PDE8B: variants seen among roughly 807,000 people sequenced by gnomAD.
The protein encoded by PDE8B is high affinity cAMP-specific and IBMX-insensitive 3',5'-cyclic phosphodiesterase 8B.
In PDE8B, 26 loss-of-function variants were observed where a neutral mutation model predicts 101.3. The observed-to-expected ratio is 0.26, with a 90% confidence interval of 0.19 to 0.36. The LOEUF (loss-of-function observed/expected upper bound fraction) is 0.36, where lower values mean the gene tolerates loss of function less well. Ranked by LOEUF, PDE8B falls within the 10% of genes least tolerant of loss-of-function variation. The pLI is 1.00. For missense variants in PDE8B, 810 were observed against 1,163.1 expected, an observed-to-expected ratio of 0.70 and a Z score of 4.42; for synonymous variants, 424 against 429.3, an observed-to-expected ratio of 0.99 and a Z score of 0.15.
At chr5:77,330,655 C>A (rs1581080514) in intron 4 of PDE8B, among the ~76,000 whole-genome samples, 2 of 152,172 alleles carry the variant, frequency 1.3e-5, no homozygotes, top group African/African-American at 2.4e-5. Context: ...GCGTTTCCAC[C>A]CAATCCCTTT....
the PDE8B span, among the ~76,000 whole-genome samples, chr5:77,180,051 C>G: frequency 6.6e-6 from 1 of 152,148 alleles, no homozygotes. Context: ...AAAGGCCCAA[C>G]GAGAGGAAAG....
chr5:77,218,361 GA>G (rs1750273616), intron 1 of PDE8B, among the ~76,000 whole-genome samples: 1 of 152,152 alleles, frequency 6.6e-6, no homozygotes, highest in South Asian at 2.1e-4. Flanking sequence ...TTTCACTTTA[GA>G]AAAGAGGAAA....
intron 10 of PDE8B, among the ~76,000 whole-genome samples, chr5:77,377,883 T>G (rs1035559943): frequency 6.6e-6 from 1 of 152,202 alleles, no homozygotes; most frequent in Non-Finnish European, 1.5e-5. Flanking sequence ...TCGGGACTTA[T>G]GCTACTGCCT....
Position 77,337,303 on chromosome 5 carries a change from A to G in PDE8B, c.785A>G (p.Gln262Arg). The G allele has an allele frequency of 6.4e-7, 1 of 1,557,310 alleles. No homozygotes were observed. The highest frequency in any genetic ancestry group is 8.8e-7 in the Non-Finnish European group (1 of 1,130,626). Residue 262 changes from glutamine (Q) to arginine (R), a missense_variant, in exon 6 of 22, where the codon CAG becomes CGG. Transcript: ENST00000264917. ...ATAGAACATGGGGAAGTTCGCTCCC[A>G]GTTCAAATTACGGTATGTAGCAAAA... is the stretch of plus-strand genomic sequence containing the variant. ...IQIEHGEVRSQFKLRACNSVF... is the reference protein window; with the variant it reads ...IQIEHGEVRSRFKLRACNSVF...
At chr5:77,256,858 C>A (rs1316074595) in intron 1 of PDE8B, among the ~76,000 whole-genome samples, 1 of 152,132 alleles carries the variant, frequency 6.6e-6, no homozygotes, top group Non-Finnish European at 1.5e-5. Flanking sequence ...CTTCATTTGA[C>A]TAAAAATTTA....
At chr5:77,369,468 G>A (rs752725877) in intron 10 of PDE8B, among the ~76,000 whole-genome samples, 55 of 152,120 alleles carry the variant, frequency 3.6e-4, no homozygotes, top group Non-Finnish European at 5.4e-4. Flanking sequence ...AAGAGCCAAC[G>A]TCTGGCTAGA....
chr5:77,229,949 A>G (rs1007764313), intron 1 of PDE8B, among the ~76,000 whole-genome samples: 1 of 152,196 alleles, frequency 6.6e-6, no homozygotes, highest in Non-Finnish European at 1.5e-5. Context: ...TCTATTGGGT[A>G]TATACTAGGA....
the PDE8B span, among the ~76,000 whole-genome samples, chr5:77,108,441 T>G: frequency 6.6e-6 from 1 of 152,180 alleles, no homozygotes; most frequent in African/African-American, 2.4e-5. Context: ...CCCAGCTCTT[T>G]GGAAGGCCGA....
chr5:77,098,622 A>G, the PDE8B span: 4 of 152,312 alleles, frequency 2.6e-5, no homozygotes, highest in African/African-American at 4.8e-5. Context: ...TTAACTTAAC[A>G]TTGTCTTAAT....
At chr5:77,099,635 G>T in the PDE8B span, among the ~76,000 whole-genome samples, 7 of 151,322 alleles carry the variant, frequency 4.6e-5, no homozygotes, top group Non-Finnish European at 1.0e-4. Flanking sequence ...TTTGTGAGAC[G>T]GAGTCTTACT....
At chr5:77,137,362 T>C in the PDE8B span, among the ~76,000 whole-genome samples, 1 of 152,154 alleles carries the variant, frequency 6.6e-6, no homozygotes, top group Non-Finnish European at 1.5e-5. Flanking sequence ...GAAAGCATGA[T>C]TGAGCTGGGA....
intron 10 of PDE8B, 98 bp downstream of exon 10, chr5:77,353,504 A>C: frequency 1.2e-6 from 1 of 806,662 alleles, no homozygotes; most frequent in Non-Finnish European, 2.2e-6. Flanking sequence ...GTCTTTCTCC[A>C]TGTCTAATTG....
Position 77,427,269 on chromosome 5 carries a change from AAAAAGTGGCATTTCAT to A in PDE8B, c.*716_*731del, listed in dbSNP as rs1798312168. On this transcript the variant is annotated 3_prime_UTR_variant, in exon 22 of 22. Coordinates refer to ENST00000264917, the MANE Select transcript of PDE8B (RefSeq NM_003719.5). Reference sequence around the variant, plus strand: ...TTAACAAAGTCATCCATGATGAGGGAAAAAGTGGCATTTCATTTTTGGGGAATCCATGAGCTTCCTT... The same window carrying A: ...TTAACAAAGTCATCCATGATGAGGGATTTTGGGGAATCCATGAGCTTCCTT... 1 of 152,518 alleles carries A rather than the reference AAAAAGTGGCATTTCAT, an allele frequency of 6.6e-6. No individual in the cohort carries two copies. The highest frequency in any genetic ancestry group is 2.4e-5 in the African/African-American group (1 of 41,406). 9.4% of individuals were successfully genotyped at this position (152,518 alleles called of 1,614,324 possible). A position where few individuals can be genotyped will look rare whatever the true frequency, so the allele number is the denominator to read the frequency against.
At chr5:77,412,079 C>G (rs768522382) in intron 15 of PDE8B, 21 bp from the exon 16 acceptor site, 1 of 1,613,746 alleles carries the variant, frequency 6.2e-7, no homozygotes, top group Non-Finnish European at 8.5e-7. Flanking sequence ...CCAGCCTCCC[C>G]CATCCCATCT....
chr5:77,143,579 C>A, the PDE8B span, among the ~76,000 whole-genome samples: 1 of 152,100 alleles, frequency 6.6e-6, no homozygotes, highest in South Asian at 2.1e-4. Context: ...CCAGGGGAGA[C>A]AAAGTAACTG....
chr5:77,273,478 G>T (rs2149791204), intron 1 of PDE8B, among the ~76,000 whole-genome samples: 1 of 152,330 alleles, frequency 6.6e-6, no homozygotes, highest in Non-Finnish European at 1.5e-5. Flanking sequence ...AATCGCCCTT[G>T]TCCTTCAGGA....
chr5:77,152,321 G>A, the PDE8B span, among the ~76,000 whole-genome samples: 2 of 152,158 alleles, frequency 1.3e-5, no homozygotes, highest in African/African-American at 2.4e-5. Context: ...ACTTGAGTTC[G>A]CAATGACATT....
the PDE8B span, among the ~76,000 whole-genome samples, chr5:77,091,712 C>A: frequency 6.6e-6 from 1 of 152,092 alleles, no homozygotes; most frequent in Non-Finnish European, 1.5e-5. Flanking sequence ...AGGTTAAAGT[C>A]ATCTCTAATT....
intron 10 of PDE8B, among the ~76,000 whole-genome samples, chr5:77,365,843 T>C (rs927452922): frequency 2.0e-5 from 3 of 152,222 alleles, no homozygotes; most frequent in Non-Finnish European, 4.4e-5. Flanking sequence ...GCATGAAGCC[T>C]GGTGCACAGG....
Sources: gnomAD v4.1 joint callset for allele counts (sites outside exome capture counted in the v4.1 genomes callset) on GRCh38, gnomAD v4.1.1 for gene constraint, MANE v1.5 for transcripts, NCBI Gene and HGNC (gene_info 2026-07-23, HGNC 2026-07-21) for gene names.